The following KHDRBS2 variants were observed in gnomAD, a reference collection of about 807,000 sequenced individuals.
The protein encoded by KHDRBS2 is KH domain-containing, RNA-binding, signal transduction-associated protein 2.
A neutral mutation model predicts 44.3 loss-of-function variants in KHDRBS2; 26 were observed. The ratio of observed to expected loss-of-function variants is 0.59; its 90% CI spans 0.43 to 0.81. The LOEUF is 0.81. KHDRBS2 is among the 40% of genes least tolerant of loss of function. The pLI, the probability that KHDRBS2 is intolerant of heterozygous loss-of-function variation, is 0.00. For synonymous variants in KHDRBS2, 194 were observed against 151.1 expected (o/e 1.28, Z -2.08); for missense variants, 476 against 433.1 (o/e 1.10, Z -0.88).
chr6:62,014,745 A>G (rs1780898217), intron 3 of KHDRBS2, among the ~76,000 whole-genome samples: 2 of 152,164 alleles, frequency 1.3e-5, no homozygotes, highest in African/African-American at 4.8e-5. Flanking sequence ...TAAATGGAAC[A>G]TCCTGTATCT....
chr6:61,888,567 T>C (rs1306800833), intron 6 of KHDRBS2, among the ~76,000 whole-genome samples: 15 of 148,732 alleles, frequency 1.0e-4, no homozygotes, highest in African/African-American at 3.5e-4. Context: ...ATTCCTTTTT[T>C]TTTTTTTTTT....
intron 4 of KHDRBS2, among the ~76,000 whole-genome samples, chr6:61,933,101 G>A (rs191877900): frequency 6.6e-6 from 1 of 152,240 alleles, no homozygotes; most frequent in Admixed American, 6.5e-5. Context: ...AAGTATGGGT[G>A]GGGAGGCCTC....
At chr6:61,830,581 A>T (rs1303401155) in intron 6 of KHDRBS2, among the ~76,000 whole-genome samples, 2 of 152,302 alleles carry the variant, frequency 1.3e-5, no homozygotes, top group Non-Finnish European at 2.9e-5. Context: ...GAAGCTTTTA[A>T]TTCCCATTTC....
chr6:61,917,688 T>C (rs933934446), intron 4 of KHDRBS2, among the ~76,000 whole-genome samples: 4 of 151,946 alleles, frequency 2.6e-5, no homozygotes, highest in Admixed American at 2.6e-4. Flanking sequence ...GTAACAACTA[T>C]ACCACTGTGG....
the KHDRBS2 span, among the ~76,000 whole-genome samples, chr6:61,591,914 T>A: frequency 6.6e-6 from 1 of 152,032 alleles, no homozygotes; most frequent in Admixed American, 6.6e-5. Context: ...GGGCCAGGTG[T>A]GGTGGCTGAC....
intron 6 of KHDRBS2, among the ~76,000 whole-genome samples, chr6:61,790,042 TGAATTGACTCAGGCATATAACCCCCTGTA>T (rs1482187343): frequency 1.3e-5 from 2 of 151,474 alleles, no homozygotes; most frequent in Non-Finnish European, 3.0e-5. Context: ...TGGGTGCTAG[TGAATTGACTCAGGCATATAACCCCCTGTA>T]AAATCAAAGA....
chr6:62,028,442 T>C (rs921831864), intron 3 of KHDRBS2, among the ~76,000 whole-genome samples: 1 of 152,108 alleles, frequency 6.6e-6, no homozygotes, highest in African/African-American at 2.4e-5. Flanking sequence ...TTTGGCAGAT[T>C]TAATCCTGTG....
At chr6:61,797,354 T>A (rs989187621) in intron 6 of KHDRBS2, among the ~76,000 whole-genome samples, 5 of 152,078 alleles carry the variant, frequency 3.3e-5, no homozygotes, top group African/African-American at 1.2e-4. Flanking sequence ...GCCAGTAAGG[T>A]AGGTATTTAT....
intron 6 of KHDRBS2, among the ~76,000 whole-genome samples, chr6:61,803,958 C>G (rs1161830049): frequency 6.6e-6 from 1 of 152,084 alleles, no homozygotes; most frequent in African/African-American, 2.4e-5. Context: ...GTACACAGAG[C>G]CAGACCATAT....
intron 6 of KHDRBS2, among the ~76,000 whole-genome samples, chr6:61,775,415 C>T (rs1413612513): frequency 6.6e-6 from 1 of 152,090 alleles, no homozygotes; most frequent in Admixed American, 6.6e-5. Flanking sequence ...CCAAAATCTC[C>T]TCAAGCTGAT....
intron 3 of KHDRBS2, among the ~76,000 whole-genome samples, chr6:61,985,738 C>T (rs571232022): frequency 5.8e-4 from 88 of 152,248 alleles, no homozygotes; most frequent in African/African-American, 1.7e-3. Flanking sequence ...GATGATGTCT[C>T]AGGTTTCTCA....
chr6:61,552,097 G>T, the KHDRBS2 span, among the ~76,000 whole-genome samples: 2 of 151,742 alleles, frequency 1.3e-5, no homozygotes, highest in African/African-American at 4.8e-5. Context: ...TTTATAAATT[G>T]CCTTTGGTAA....
At chr6:61,789,545 G>A (rs573911843) in intron 6 of KHDRBS2, among the ~76,000 whole-genome samples, 1 of 151,582 alleles carries the variant, frequency 6.6e-6, no homozygotes, top group East Asian at 1.9e-4. Flanking sequence ...TATGTATAGA[G>A]ACTAGCCTCA....
rs72884435 is a variant in KHDRBS2, at chr6:61,975,680, C to G, written c.483+2386G>C. On this transcript the variant is annotated intron_variant, in intron 4 of 8. Transcript: ENST00000281156. ...ACACACACACACACACACACACACA[C>G]AGAGAGATATAAAACATCTGAAGGT... Among the ~76,000 whole-genome samples, 258 of 149,850 alleles carry G rather than the reference C, an allele frequency of 1.7e-3. 1 individual carries two copies. The highest frequency in any genetic ancestry group is 1.8e-3 in the African/African-American group (72 of 40,478).
the KHDRBS2 span, among the ~76,000 whole-genome samples, chr6:61,547,977 A>G: frequency 6.6e-6 from 1 of 152,138 alleles, no homozygotes; most frequent in African/African-American, 2.4e-5. Flanking sequence ...AGTAACACAT[A>G]AAAGTAATCT....
the KHDRBS2 span, among the ~76,000 whole-genome samples, chr6:61,556,774 C>G: frequency 6.6e-6 from 1 of 150,862 alleles, no homozygotes; most frequent in African/African-American, 2.4e-5. Context: ...TCCATTTTCT[C>G]ATACAGAATA....
At chr6:62,039,918 A>G (rs1246661368) in intron 3 of KHDRBS2, among the ~76,000 whole-genome samples, 1 of 152,084 alleles carries the variant, frequency 6.6e-6, no homozygotes. Context: ...AACTGGAATC[A>G]CCTGCCCAAT....
the KHDRBS2 span, among the ~76,000 whole-genome samples, chr6:61,614,511 A>G: frequency 6.6e-6 from 1 of 152,218 alleles, no homozygotes; most frequent in South Asian, 2.1e-4. Flanking sequence ...TTGTCTGTAT[A>G]ACAGTAGTTT....
At chr6:61,941,399 C>T (rs1188239057) in intron 4 of KHDRBS2, among the ~76,000 whole-genome samples, 1 of 152,116 alleles carries the variant, frequency 6.6e-6, no homozygotes, top group East Asian at 1.9e-4. Context: ...TGCCCACCCA[C>T]CCGCTACATT....
Sources: gnomAD v4.1 joint callset for allele counts (sites outside exome capture counted in the v4.1 genomes callset) on GRCh38, gnomAD v4.1.1 for gene constraint, MANE v1.5 for transcripts, NCBI Gene and HGNC (gene_info 2026-07-23, HGNC 2026-07-21) for gene names.